Variants in PTCD2 observed in about 807,000 individuals in gnomAD.
PTCD2 encodes pentatricopeptide repeat-containing protein 2, mitochondrial.
In PTCD2, 31 loss-of-function variants were observed where a neutral mutation model predicts 42.6. The ratio of observed to expected loss-of-function variants is 0.73; its 90% CI spans 0.55 to 0.98. The LOEUF is 0.98. Ranked by LOEUF, PTCD2 falls within the 50% of genes least tolerant of loss-of-function variation. The pLI is 0.00. For synonymous variants in PTCD2, 183 were observed against 170.9 expected, an observed-to-expected ratio of 1.07 and a Z score of -0.55; for missense variants, 476 against 454.8, an observed-to-expected ratio of 1.05 and a Z score of -0.42.
chr5:72,350,965 A>G (rs1752594458), intron 8 of PTCD2, among the ~76,000 whole-genome samples: 1 of 152,212 alleles, frequency 6.6e-6, no homozygotes, highest in African/African-American at 2.4e-5. Flanking sequence ...ATAATAAAGT[A>G]TGGTATATTT....
At chr5:72,337,943 G>C (rs912840058) in intron 6 of PTCD2, among the ~76,000 whole-genome samples, 4 of 152,126 alleles carry the variant, frequency 2.6e-5, no homozygotes, top group African/African-American at 7.2e-5. Context: ...TCAATTCTGG[G>C]AACTGTCCTC....
intron 6 of PTCD2, among the ~76,000 whole-genome samples, chr5:72,336,842 TG>T (rs1183812295): frequency 6.6e-6 from 1 of 152,218 alleles, no homozygotes; most frequent in Non-Finnish European, 1.5e-5. Context: ...AATGTATTAC[TG>T]TTGTCATTCG....
intron 8 of PTCD2, among the ~76,000 whole-genome samples, chr5:72,350,119 T>C (rs547955510): frequency 4.6e-5 from 7 of 152,336 alleles, no homozygotes; most frequent in Admixed American, 2.0e-4. Context: ...CAAGGTAGAC[T>C]TGTCTTTGCC....
intron 3 of PTCD2, 64 bp from the exon 4 acceptor site, chr5:72,331,194 A>T: frequency 9.8e-7 from 1 of 1,023,676 alleles, no homozygotes; most frequent in Non-Finnish European, 1.6e-6. Flanking sequence ...TACCTGCCAT[A>T]GTCTGTGTCT....
At position 72,362,077 on chromosome 5, in the gene PTCD2, T is replaced by C. The variant is rs1218266998; in HGVS notation, c.*3650T>C. ...AGTACTTATTTAACTCACCAGCTCA[T>C]TTAACTATATTGTATAACAATGTTG... is the stretch of plus-strand genomic sequence containing the variant. On this transcript the variant is annotated 3_prime_UTR_variant, in exon 10 of 10. Transcript: ENST00000380639. 6.6e-6 allele frequency: 1 copy of C among 152,222 alleles called. No individual in the cohort carries two copies. The highest frequency in any genetic ancestry group is 1.5e-5 in the Non-Finnish European group (1 of 68,064). 9.4% of individuals were successfully genotyped at this position (152,222 alleles called of 1,614,324 possible).
intron 2 of PTCD2, 56 bp from the exon 3 acceptor site, chr5:72,326,556 C>G (rs1751147465): frequency 1.4e-5 from 23 of 1,596,424 alleles, no homozygotes; most frequent in Non-Finnish European, 2.0e-5. Context: ...TGAGGTCAGA[C>G]TCCTTATACT....
At chr5:72,352,232 C>T (rs1752658312) in intron 8 of PTCD2, among the ~76,000 whole-genome samples, 1 of 152,182 alleles carries the variant, frequency 6.6e-6, no homozygotes, top group Non-Finnish European at 1.5e-5. Context: ...ACTGCAACCT[C>T]CGCCTCTCAG....
intron 8 of PTCD2, among the ~76,000 whole-genome samples, chr5:72,347,558 T>C (rs1472919931): frequency 1.3e-5 from 2 of 152,098 alleles, no homozygotes; most frequent in Non-Finnish European, 2.9e-5. Flanking sequence ...TGGTGGTGTG[T>C]GCCTGTAATC....
intron 8 of PTCD2, among the ~76,000 whole-genome samples, chr5:72,344,784 G>A (rs1283686037): frequency 6.6e-6 from 1 of 152,248 alleles, no homozygotes; most frequent in South Asian, 2.1e-4. Context: ...GTGATGCCCC[G>A]TGAGCCATAA....
intron 6 of PTCD2, among the ~76,000 whole-genome samples, chr5:72,337,049 A>G (rs1751790471): frequency 6.6e-6 from 1 of 152,182 alleles, no homozygotes; most frequent in South Asian, 2.1e-4. Flanking sequence ...CTTGGAGTCT[A>G]GTCTCAACTT....
intron 8 of PTCD2, among the ~76,000 whole-genome samples, chr5:72,348,984 C>T (rs1240931734): frequency 1.3e-5 from 2 of 152,242 alleles, no homozygotes; most frequent in Non-Finnish European, 2.9e-5. Context: ...GTGGCAGCAT[C>T]TTACTCATAT....
rs945262186 is a variant in PTCD2, at chr5:72,367,358, A to G, written c.*8931A>G. On this transcript the variant is annotated 3_prime_UTR_variant, in exon 10 of 10. Coordinates refer to ENST00000380639, the MANE Select transcript of PTCD2 (RefSeq NM_024754.5). ...GAAAGGACAGATGCCCTTGTTCAAG[A>G]TGACTTCTTCATGGGCATCGATAGA... 6 of 152,236 alleles carry G rather than the reference A, an allele frequency of 3.9e-5. No homozygotes were observed. Among genetic ancestry groups the G allele is most frequent in the African/African-American group, 1.4e-4 (6 of 41,446 alleles). The allele number at this position is 152,236 out of a possible 1,614,324, so 9.4% of individuals were successfully genotyped here. A position where few individuals can be genotyped will look rare whatever the true frequency, so the allele number is the denominator to read the frequency against.
chr5:72,322,298 A>T, intron 2 of PTCD2, 34 bp downstream of exon 2: 1 of 1,264,706 alleles, frequency 7.9e-7, no homozygotes, highest in Non-Finnish European at 1.2e-6. Context: ...TCTGTCATTT[A>T]TCTGTCATTT....
chr5:72,367,361 A>G lies in PTCD2; in HGVS notation c.*8934A>G, dbSNP rs1753228623. The G allele has an allele frequency of 6.6e-6, 1 of 152,240 alleles. No individual in the cohort carries two copies. The highest frequency in any genetic ancestry group is 1.5e-5 in the Non-Finnish European group (1 of 68,050). The allele number at this position is 152,240 out of a possible 1,614,324, so 9.4% of individuals were successfully genotyped here. A position where few individuals can be genotyped will look rare whatever the true frequency, so the allele number is the denominator to read the frequency against. ...AGGACAGATGCCCTTGTTCAAGATGACTTCTTCATGGGCATCGATAGATAC... is the reference window on the plus strand; with the variant it reads ...AGGACAGATGCCCTTGTTCAAGATGGCTTCTTCATGGGCATCGATAGATAC... On this transcript the variant is annotated 3_prime_UTR_variant, in exon 10 of 10. Transcript: ENST00000380639.
At chr5:72,339,776 T>C (rs1047534862) in intron 7 of PTCD2, among the ~76,000 whole-genome samples, 1 of 151,298 alleles carries the variant, frequency 6.6e-6, no homozygotes, top group Non-Finnish European at 1.5e-5. Context: ...TACATCGTCA[T>C]TGTGAATCCC....
chr5:72,346,763 C>T (rs1055529093), intron 8 of PTCD2, among the ~76,000 whole-genome samples: 21 of 152,312 alleles, frequency 1.4e-4, no homozygotes, highest in African/African-American at 4.1e-4. Context: ...AGAGAATGGC[C>T]TTCAGATGTC....
rs571491033 is a variant in PTCD2 at position 72,356,754 on chromosome 5, C to T, written c.943-1449C>T. Among the ~76,000 whole-genome samples, 5 of 152,298 alleles carry T rather than the reference C, an allele frequency of 3.3e-5. No individual in the cohort carries two copies. The East Asian group carries it at 9.6e-4, about 29-fold the overall frequency. On this transcript the variant is annotated intron_variant, in intron 9 of 9. Coordinates refer to ENST00000380639, the MANE Select transcript of PTCD2 (RefSeq NM_024754.5). ...CACATTAAGTCATTTTCACCTTGAACATGAGGACTAAACAAGCTATTCTTT... is the reference window on the plus strand; with the variant it reads ...CACATTAAGTCATTTTCACCTTGAATATGAGGACTAAACAAGCTATTCTTT...
intron 6 of PTCD2, among the ~76,000 whole-genome samples, chr5:72,337,818 C>A (rs1264532596): frequency 6.6e-6 from 1 of 152,062 alleles, no homozygotes; most frequent in East Asian, 1.9e-4. Flanking sequence ...TAAATAAATT[C>A]TATTTAGGAA....
intron 5 of PTCD2, 108 bp downstream of exon 5, chr5:72,335,204 C>A: frequency 1.6e-6 from 1 of 620,188 alleles, no homozygotes; most frequent in Non-Finnish European, 2.9e-6. Context: ...AATCCCAGCA[C>A]TTTGGGAGGC....
Sources: allele counts gnomAD v4.1 joint callset (sites outside exome capture counted in the v4.1 genomes callset), GRCh38; gene constraint gnomAD v4.1.1; transcripts MANE v1.5; gene names NCBI Gene and HGNC (gene_info 2026-07-23, HGNC 2026-07-21).